The following TMEM272 variants were observed in gnomAD, a reference collection of about 807,000 sequenced individuals.
The protein encoded by TMEM272 is long intergenic non-protein coding RNA 282.
A neutral mutation model predicts 3.7 loss-of-function variants in TMEM272; 8 were observed. The ratio of observed to expected loss-of-function variants is 2.17; its 90% CI spans 1.27 to 3.91. The LOEUF (loss-of-function observed/expected upper bound fraction) is 3.91. TMEM272 is among the 30% of genes most tolerant of loss of function. The pLI is 0.00. For synonymous variants in TMEM272, 63 were observed against 39.8 expected, an observed-to-expected ratio of 1.58 and a Z score of -2.20; for missense variants, 166 against 91.5, an observed-to-expected ratio of 1.81 and a Z score of -3.32.
the TMEM272 span, among the ~76,000 whole-genome samples, chr13:51,926,859 T>C: frequency 4.6e-5 from 7 of 152,306 alleles, no homozygotes; most frequent in East Asian, 3.9e-4. Flanking sequence ...TTGCACATCA[T>C]AGATACATAT....
chr13:51,818,743 A>G (rs1956054872), intron 4 of TMEM272, among the ~76,000 whole-genome samples: 2 of 152,212 alleles, frequency 1.3e-5, no homozygotes, highest in Non-Finnish European at 2.9e-5. Context: ...TGATTTTCCA[A>G]AATGGAGAGT....
At chr13:51,831,115 A>G (rs878936) in intron 2 of TMEM272, among the ~76,000 whole-genome samples, 28,090 of 152,054 alleles carry the variant, frequency 0.18, 3,208 homozygotes, top group East Asian at 0.5. Flanking sequence ...TGGCGCCTGG[A>G]AATCTGCATT....
chr13:51,908,502 C>A, the TMEM272 span: 3 of 1,489,592 alleles, frequency 2.0e-6, no homozygotes, highest in South Asian at 3.4e-5. Flanking sequence ...CATGAACGGG[C>A]CCCTCGTATC....
chr13:51,913,876 C>A, the TMEM272 span, among the ~76,000 whole-genome samples: 8 of 152,312 alleles, frequency 5.3e-5, no homozygotes, highest in South Asian at 1.5e-3. Flanking sequence ...GGTGATCAAG[C>A]AGCATGGCTG....
intron 2 of TMEM272, among the ~76,000 whole-genome samples, chr13:51,829,863 C>T (rs1334911293): frequency 6.6e-6 from 1 of 152,172 alleles, no homozygotes; most frequent in Non-Finnish European, 1.5e-5. Context: ...TAAAAAATAG[C>T]AGATGGAAGA....
chr13:51,926,166 G>A, the TMEM272 span, among the ~76,000 whole-genome samples: 4 of 152,006 alleles, frequency 2.6e-5, no homozygotes, highest in Non-Finnish European at 5.9e-5. Flanking sequence ...TGGTGTATGT[G>A]TGTGTGTCTT....
At chr13:51,824,765 C>CCGTT (rs763044024) in intron 3 of TMEM272, among the ~76,000 whole-genome samples, 1 of 152,198 alleles carries the variant, frequency 6.6e-6, no homozygotes, top group Non-Finnish European at 1.5e-5. Context: ...CCAGCCTGGC[C>CCGTT]AACGTGGTGA....
At chr13:51,838,685 G>A in intron 1 of TMEM272, 132 bp from the exon 2 acceptor site, 1 of 672,586 alleles carries the variant, frequency 1.5e-6, no homozygotes, top group Non-Finnish European at 2.7e-6. Context: ...CTGGGTGCCA[G>A]TGTCAGGTGT....
At position 51,838,483 on chromosome 13, in the gene TMEM272, G is replaced by A. The variant is rs1023414317; in HGVS notation, c.48C>T (p.Ile16=). Residue 16 remains isoleucine, a synonymous_variant, in exon 2 of 5, where the codon ATC becomes ATT. Transcript: ENST00000629372. The stretch of plus-strand genomic sequence containing the variant: ...AGAGTTGTGACTCACCATTGCTGGC[G>A]ATTTTAGAAATGCACTGATGACACG... ...EKTCHQCISK[I]ASNACFVVVL... 9 of 703,002 alleles carry A rather than the reference G, an allele frequency of 1.3e-5. No individual in the cohort carries two copies. The highest frequency in any genetic ancestry group is 2.0e-5 in the Admixed American group (1 of 50,022). 43.5% of individuals were successfully genotyped at this position (703,002 alleles called of 1,614,324 possible).
the TMEM272 span, among the ~76,000 whole-genome samples, chr13:51,855,963 A>C: frequency 6.6e-6 from 1 of 152,208 alleles, no homozygotes; most frequent in Non-Finnish European, 1.5e-5. Context: ...AAATCAATTC[A>C]CTGAGACCAC....
chr13:51,859,537 C>CACACACAT, the TMEM272 span, among the ~76,000 whole-genome samples: 1 of 151,734 alleles, frequency 6.6e-6, no homozygotes, highest in Non-Finnish European at 1.5e-5. Flanking sequence ...CACACACACA[C>CACACACAT]ACACACACAC....
chr13:51,816,924 G>C lies in TMEM272; in HGVS notation c.391C>G (p.Leu131Val). Residue 131 changes from leucine to valine, a missense_variant, in exon 5 of 5, where the codon CTG (leucine) becomes GTG (valine). Transcript: ENST00000629372. ...LGNYWVFSVY[L>V]PDFLPPFQQP... Reference sequence around the variant, plus strand: ...TGGAAAGGGGGAAGAAAATCAGGCAGGTACACAGAAAAGACCCAGTAGTTT... The same window carrying C: ...TGGAAAGGGGGAAGAAAATCAGGCACGTACACAGAAAAGACCCAGTAGTTT... 1 of 703,038 alleles carries C rather than the reference G, an allele frequency of 1.4e-6. No homozygotes were observed. Among genetic ancestry groups the C allele is most frequent in the Non-Finnish European group, 2.6e-6 (1 of 385,006 alleles). 43.5% of individuals were successfully genotyped at this position (703,038 alleles called of 1,614,324 possible).
the TMEM272 span, among the ~76,000 whole-genome samples, chr13:51,927,093 C>T: frequency 6.6e-6 from 1 of 152,126 alleles, no homozygotes; most frequent in Admixed American, 6.5e-5. Context: ...CTTTGAGGTT[C>T]CCAGAAGTAA....
intron 3 of TMEM272, among the ~76,000 whole-genome samples, chr13:51,823,631 C>G (rs1207435317): frequency 2.6e-5 from 4 of 152,228 alleles, no homozygotes; most frequent in Non-Finnish European, 4.4e-5. Context: ...GTTAAGTTAC[C>G]CTGACTAACA....
chr13:51,932,988 C>T, the TMEM272 span: 1 of 152,034 alleles, frequency 6.6e-6, no homozygotes, highest in Non-Finnish European at 1.5e-5. Context: ...GGGCTGAAAA[C>T]AAGGAAAACA....
At chr13:51,845,675 A>T (rs1956299354), upstream of TMEM272, among the ~76,000 whole-genome samples, 1 of 152,226 alleles carries the variant, frequency 6.6e-6, no homozygotes, top group South Asian at 2.1e-4. Context: ...GCCTTCTTAG[A>T]CCTGAAGCAG....
At chr13:51,904,201 T>C in the TMEM272 span, among the ~76,000 whole-genome samples, 5 of 151,974 alleles carry the variant, frequency 3.3e-5, no homozygotes, top group Non-Finnish European at 7.4e-5. Context: ...ATGACAATGA[T>C]GGTAATATTA....
At chr13:51,911,229 C>T in the TMEM272 span, among the ~76,000 whole-genome samples, 2 of 152,122 alleles carry the variant, frequency 1.3e-5, no homozygotes, top group South Asian at 2.1e-4. Flanking sequence ...TTGACCATTA[C>T]GTCATTGAAG....
intron 2 of TMEM272, among the ~76,000 whole-genome samples, chr13:51,829,239 C>G (rs1286285217): frequency 6.6e-6 from 1 of 152,058 alleles, no homozygotes; most frequent in Non-Finnish European, 1.5e-5. Context: ...TTAAGATGAA[C>G]GGTAAAATAT....
Sources: gnomAD v4.1 joint callset for allele counts (sites outside exome capture counted in the v4.1 genomes callset) on GRCh38, gnomAD v4.1.1 for gene constraint, MANE v1.5 for transcripts, NCBI Gene and HGNC (gene_info 2026-07-23, HGNC 2026-07-21) for gene names.